Variants in PLCE1 observed in about 807,000 individuals in gnomAD.
PLCE1 encodes the protein 1-phosphatidylinositol 4,5-bisphosphate phosphodiesterase epsilon-1.
PLCE1 carries 119 observed loss-of-function variants against 242.8 expected under a neutral mutation model. The observed-to-expected ratio is 0.49, with a 90% confidence interval of 0.42 to 0.57. The LOEUF (loss-of-function observed/expected upper bound fraction) is 0.57. Ranked by LOEUF, PLCE1 falls within the 20% of genes least tolerant of loss-of-function variation. PLCE1 has a pLI of 0.00. For synonymous variants in PLCE1, 945 were observed against 1,017.4 expected (o/e 0.93, Z 1.35); for missense variants, 2,441 against 2,788.8 (o/e 0.88, Z 2.81).
intron 4 of PLCE1, among the ~76,000 whole-genome samples, chr10:94,177,603 C>T (rs544181072): frequency 3.3e-5 from 5 of 152,318 alleles, no homozygotes; most frequent in African/African-American, 9.6e-5. Context: ...GGAGCAGCCT[C>T]ACTTCTTGAC....
intron 18 of PLCE1, 134 bp from the exon 19 acceptor site, chr10:94,273,428 T>G: frequency 1.1e-6 from 1 of 870,446 alleles, no homozygotes. Context: ...ACAGCTTCTT[T>G]CCTAGTTCCT....
chr10:94,269,093 T>TA, intron 17 of PLCE1, 57 bp downstream of exon 17: 7 of 613,964 alleles, frequency 1.1e-5, no homozygotes, highest in Admixed American at 2.5e-5. Flanking sequence ...TCTTCATTTG[T>TA]CTTTTTTTTT....
intron 2 of PLCE1, among the ~76,000 whole-genome samples, chr10:94,058,455 C>T (rs575222584): frequency 2.3e-4 from 35 of 152,320 alleles, no homozygotes; most frequent in African/African-American, 7.9e-4. Flanking sequence ...GGAAACATCA[C>T]ATTTCCACAC....
chr10:94,319,143 G>A (rs1257650467), intron 29 of PLCE1, among the ~76,000 whole-genome samples: 1 of 152,140 alleles, frequency 6.6e-6, no homozygotes, highest in Non-Finnish European at 1.5e-5. Context: ...AGAAAAAGGG[G>A]CATAAATCAG....
chr10:94,286,785 A>G (rs1224354425), intron 22 of PLCE1: 1 of 152,170 alleles, frequency 6.6e-6, no homozygotes, highest in African/African-American at 2.4e-5. Context: ...TAAGTACAAT[A>G]TGACCATTAT....
chr10:94,144,353 T>A (rs1028903472), intron 3 of PLCE1, among the ~76,000 whole-genome samples: 2 of 152,146 alleles, frequency 1.3e-5, no homozygotes, highest in Admixed American at 1.3e-4. Flanking sequence ...TAACACTAAA[T>A]CTTAGATTTG....
rs17109678 is a variant in PLCE1, at chr10:94,036,813, A to C, written c.1206+4561A>C. Among the ~76,000 whole-genome samples, 967 of 152,260 alleles carry C rather than the reference A, an allele frequency of 6.4e-3. 37 individuals carry two copies. Among genetic ancestry groups the C allele is most frequent in the Admixed American group, 0.05 (762 of 15,290 alleles). On this transcript the variant is annotated intron_variant, in intron 2 of 32. Transcript: ENST00000371380. The stretch of plus-strand genomic sequence containing the variant: ...GAAGTTTCTGCTTCTGCCTTGCTGG[A>C]ATTGCTCATGTAACCTGAGATCCAC...
chr10:94,219,936 G>A (rs2049666791), intron 4 of PLCE1, among the ~76,000 whole-genome samples: 1 of 151,998 alleles, frequency 6.6e-6, no homozygotes, highest in Non-Finnish European at 1.5e-5. Context: ...AGCTACCTTT[G>A]GGTACTTGCC....
chr10:94,135,942 A>AT (rs2046757189), intron 3 of PLCE1, among the ~76,000 whole-genome samples: 1 of 152,180 alleles, frequency 6.6e-6, no homozygotes, highest in African/African-American at 2.4e-5. Context: ...TGCCCCAGTA[A>AT]TTTTTTCCTA....
At chr10:94,227,142 G>T in intron 4 of PLCE1, 164 bp from the exon 5 acceptor site, 1 of 654,426 alleles carries the variant, frequency 1.5e-6, no homozygotes, top group Non-Finnish European at 2.8e-6. Flanking sequence ...CTCCCAAAGT[G>T]CTGGGATTAC....
intron 2 of PLCE1, among the ~76,000 whole-genome samples, chr10:94,116,039 G>A (rs2046117810): frequency 6.6e-6 from 1 of 152,168 alleles, no homozygotes; most frequent in Non-Finnish European, 1.5e-5. Context: ...ACACTGGGGA[G>A]AACAGCGGGC....
intron 4 of PLCE1, among the ~76,000 whole-genome samples, chr10:94,202,582 G>C (rs1398831165): frequency 6.6e-6 from 1 of 152,100 alleles, no homozygotes; most frequent in Non-Finnish European, 1.5e-5. Context: ...CTCTGCCTAG[G>C]ATATTTCCCC....
chr10:94,144,565 G>A (rs1326238062), intron 3 of PLCE1, among the ~76,000 whole-genome samples: 1 of 152,184 alleles, frequency 6.6e-6, no homozygotes, highest in East Asian at 1.9e-4. Context: ...GGGAAAAGAA[G>A]CAGCTCCTGT....
chr10:94,097,803 A>G (rs1477339314), intron 2 of PLCE1, among the ~76,000 whole-genome samples: 1 of 152,220 alleles, frequency 6.6e-6, no homozygotes, highest in Non-Finnish European at 1.5e-5. Context: ...TGTGGTGCTG[A>G]GCCTTTAGCC....
intron 4 of PLCE1, among the ~76,000 whole-genome samples, chr10:94,219,402 G>C (rs1004343312): frequency 6.6e-6 from 1 of 152,148 alleles, no homozygotes; most frequent in Non-Finnish European, 1.5e-5. Context: ...TCTTGGTGTT[G>C]GCTTCCTTCT....
At chr10:94,257,160 A>C (rs2051128469) in intron 11 of PLCE1, among the ~76,000 whole-genome samples, 1 of 152,176 alleles carries the variant, frequency 6.6e-6, no homozygotes, top group African/African-American at 2.4e-5. Context: ...TTCAAATGTC[A>C]GCACAAATTA....
rs531257934 is a variant in PLCE1, at chr10:94,106,079, G to A, written c.1207-26095G>A. The A allele has an allele frequency of 3.9e-5, 6 of 152,232 alleles. 2 individuals are homozygous for A. The highest frequency in any genetic ancestry group is 1.4e-4 in the African/African-American group (6 of 41,538). 9.4% of individuals were successfully genotyped at this position (152,232 alleles called of 1,614,324 possible). ...GCTGGGATTCAAACTCAGGAAGTGT[G>A]GCTTCACATCCCATGCATGTAGCCA... On this transcript the variant is annotated intron_variant, in intron 2 of 32. Transcript: ENST00000371380.
chr10:94,218,475 A>G (rs930020047), intron 4 of PLCE1, among the ~76,000 whole-genome samples: 2 of 152,184 alleles, frequency 1.3e-5, no homozygotes, highest in African/African-American at 2.4e-5. Flanking sequence ...AAACTCTGTT[A>G]TCTCCTTACC....
intron 32 of PLCE1, among the ~76,000 whole-genome samples, chr10:94,327,409 A>G (rs1199532346): frequency 1.3e-5 from 2 of 152,018 alleles, no homozygotes; most frequent in East Asian, 3.9e-4. Context: ...AGCCTGGCCA[A>G]CATGGTGAAA....
Sources: allele counts gnomAD v4.1 joint callset (sites outside exome capture counted in the v4.1 genomes callset), GRCh38; gene constraint gnomAD v4.1.1; transcripts MANE v1.5; gene names NCBI Gene and HGNC (gene_info 2026-07-23, HGNC 2026-07-21).